The following ABCC3 variants were observed in gnomAD, a reference collection of about 807,000 sequenced individuals.
ABCC3 encodes the protein ATP-binding cassette sub-family C member 3.
A neutral mutation model predicts 165.3 loss-of-function variants in ABCC3; 121 were observed. The observed-to-expected ratio is 0.73, with a 90% confidence interval of 0.63 to 0.85. ABCC3 has a LOEUF of 0.85. Among genes scored for constraint, ABCC3 ranks in the 40% least tolerant of loss-of-function variants. The pLI is 0.00. For missense variants in ABCC3, 1,869 were observed against 1,964.1 expected, an observed-to-expected ratio of 0.95 and a Z score of 0.92; for synonymous variants, 733 against 810.1, an observed-to-expected ratio of 0.90 and a Z score of 1.62.
intron 30 of ABCC3, 110 bp downstream of exon 30, chr17:50,687,840 C>T: frequency 4.2e-6 from 5 of 1,181,272 alleles, no homozygotes. Context: ...CCTGGGATTG[C>T]TAGGGCATGG....
intron 1 of ABCC3, 98 bp from the exon 2 acceptor site, chr17:50,655,734 T>C (rs1462490111): frequency 9.7e-6 from 11 of 1,129,628 alleles, no homozygotes; most frequent in Non-Finnish European, 1.2e-5. Flanking sequence ...TCCACCCCTG[T>C]CTCTGATGGA....
chr17:50,642,071 G>A (rs937807408), intron 1 of ABCC3, among the ~76,000 whole-genome samples: 18 of 152,276 alleles, frequency 1.2e-4, no homozygotes, highest in African/African-American at 3.6e-4. Context: ...GAATGGACAG[G>A]GTTTGCTGAG....
rs1967086514 is a variant in ABCC3 at position 50,650,129 on chromosome 17, A to C, written c.46-5703A>C. On this transcript the variant is annotated intron_variant, in intron 1 of 30. Transcript: ENST00000285238. ...TTTGCATCAGTGTAATTTTGATATTAATGCTAGCTCTTATCGCCCAGGCTG... is the reference window on the plus strand; with the variant it reads ...TTTGCATCAGTGTAATTTTGATATTCATGCTAGCTCTTATCGCCCAGGCTG... Among the ~76,000 whole-genome samples, 4 of 152,326 alleles carry C rather than the reference A, an allele frequency of 2.6e-5. No individual in the cohort carries two copies. In the South Asian group the frequency reaches 8.3e-4, roughly 32 times the overall value.
intron 1 of ABCC3, among the ~76,000 whole-genome samples, chr17:50,639,531 G>A (rs954307038): frequency 2.0e-5 from 3 of 151,992 alleles, no homozygotes; most frequent in East Asian, 1.9e-4. Flanking sequence ...GAGCCACCCC[G>A]GAGTAGGGCC....
At chr17:50,671,448 G>A (rs187199301) in intron 17 of ABCC3, among the ~76,000 whole-genome samples, 1 of 152,040 alleles carries the variant, frequency 6.6e-6, no homozygotes, top group Admixed American at 6.5e-5. Flanking sequence ...TCTATTTTCT[G>A]TTCCTAGGAA....
At chr17:50,635,398 G>GC (rs1461849000) in intron 1 of ABCC3, 1 of 683,402 alleles carries the variant, frequency 1.5e-6, no homozygotes, top group East Asian at 2.7e-5. Context: ...GGACTCGGTT[G>GC]CCCACCTGGG....
intron 2 of ABCC3, 25 bp downstream of exon 2, chr17:50,656,033 C>G: frequency 6.2e-7 from 1 of 1,604,652 alleles, no homozygotes; most frequent in Non-Finnish European, 8.5e-7. Flanking sequence ...GATCTCCTAC[C>G]GATGGGGCTG....
chr17:50,649,555 C>T (rs1273225050), intron 1 of ABCC3, among the ~76,000 whole-genome samples: 1 of 145,924 alleles, frequency 6.9e-6, no homozygotes, highest in Admixed American at 7.1e-5. Flanking sequence ...CAGCTTTATA[C>T]CTGGGTGACA....
In ABCC3 at chr17:50,683,351, A is replaced by T. The variant is rs1190551047; in HGVS notation, c.3808-259A>T. 1.3e-4 allele frequency among the ~76,000 whole-genome samples: 16 copies of T among 124,728 alleles called. No individual in the cohort carries two copies. The East Asian group carries it at 1.6e-3, about 13-fold the overall frequency. 81.8% of individuals were successfully genotyped at this position (124,728 alleles called of 152,430 possible). On this transcript the variant is annotated intron_variant, in intron 26 of 30. Transcript: ENST00000285238. The stretch of plus-strand genomic sequence containing the variant: ...ATTGAGACCCTGTCTCTCAAAAATT[A>T]AAAAAAAAAAAAAAAAGGAACATGG...
chr17:50,667,673 C>T lies in ABCC3; in HGVS notation c.1551C>T (p.Ile517=). ...EPSFLKQVEG[I]RQGELQLLRT... ...GCTTCCTGAAGCAGGTGGAGGGCAT[C>T]AGGCAGGGTGAGCTCCAGCTGCTGC... Residue 517 remains isoleucine, a synonymous_variant, in exon 12 of 31, where the codon ATC becomes ATT. Transcript: ENST00000285238. 6.2e-7 allele frequency: 1 copy of T among 1,614,188 alleles called. No homozygotes were observed. Among genetic ancestry groups the T allele is most frequent in the Non-Finnish European group, 8.5e-7 (1 of 1,180,034 alleles).
Position 50,676,233 on chromosome 17 carries a change from G to A in ABCC3, c.3068-45G>A, listed in dbSNP as rs200256965. 8.9e-5 allele frequency: 142 copies of A among 1,591,596 alleles called. No homozygotes were observed. The Admixed American group carries it at 1.4e-3, about 16-fold the overall frequency. ...TCTCTGATTCTGCCCCTTTGTGCCC[G>A]CTCACTAGTCCAGGTGAGCCAGCGC... is the stretch of plus-strand genomic sequence containing the variant. On this transcript the variant is annotated intron_variant, in intron 22 of 30. Coordinates refer to ENST00000285238, the MANE Select transcript of ABCC3 (RefSeq NM_003786.4).
At chr17:50,662,579 C>T (rs563518854) in intron 8 of ABCC3, among the ~76,000 whole-genome samples, 65 of 145,434 alleles carry the variant, frequency 4.5e-4, no homozygotes, top group Non-Finnish European at 5.9e-4. Flanking sequence ...TTGAGGCTGC[C>T]GTGAGCTGTG....
At chr17:50,690,713 C>T (rs765828973) in intron 30 of ABCC3, among the ~76,000 whole-genome samples, 3 of 152,300 alleles carry the variant, frequency 2.0e-5, no homozygotes, top group Non-Finnish European at 2.9e-5. Context: ...GGTTTCCTGC[C>T]GTGTGCTTTT....
rs533382861 is a variant in ABCC3, at chr17:50,636,540, G to A, written c.45+1559G>A. Among the ~76,000 whole-genome samples the A allele has an allele frequency of 3.3e-5, 5 of 152,348 alleles. No individual in the cohort carries two copies. In the East Asian group the frequency reaches 9.7e-4, roughly 29 times the overall value. ...AGGCCACTTGCCACCAGGGTCCAGA[G>A]GTTGTGCCTTTGCCTCATGAGCACA... is the stretch of plus-strand genomic sequence containing the variant. On this transcript the variant is annotated intron_variant, in intron 1 of 30. Transcript: ENST00000285238.
chr17:50,675,892 A>G lies in ABCC3; in HGVS notation c.2869A>G (p.Ser957Gly). ...TGGCTGCTCCCTACAGGTGGAGCTC[A>G]GTGTGTTCTGGGATTATGCCAAGGC... ...EKAAIGTVEL[S>G]VFWDYAKAVG... Residue 957 changes from serine (S) to glycine (G), a missense_variant, in exon 22 of 31, where the codon AGT becomes GGT. Physicochemically the swap from Ser to Gly is moderately conservative, Grantham distance 56. Transcript: ENST00000285238. 6.2e-7 allele frequency: 1 copy of G among 1,614,020 alleles called. No homozygotes were observed. Among genetic ancestry groups the G allele is most frequent in the Non-Finnish European group, 8.5e-7 (1 of 1,179,938 alleles).
rs779259793 is a variant in ABCC3 at position 50,658,391 on chromosome 17, G to A, written c.613-44G>A. 3 of 1,595,948 alleles carry A rather than the reference G, an allele frequency of 1.9e-6. No homozygotes were observed. In the Admixed American group the frequency reaches 5.0e-5, roughly 27 times the overall value. ...TTTCCCTACTCTGCTTTGAGAGGGT[G>A]GTGGGCACTCCTGATTCCCCCGTCC... On this transcript the variant is annotated intron_variant, in intron 5 of 30. Coordinates refer to ENST00000285238, the MANE Select transcript of ABCC3 (RefSeq NM_003786.4).
intron 23 of ABCC3, among the ~76,000 whole-genome samples, chr17:50,677,178 G>A (rs775055618): frequency 3.3e-5 from 5 of 152,178 alleles, no homozygotes; most frequent in African/African-American, 7.2e-5. Context: ...CACCATACCC[G>A]GCCTTCCTGT....
rs1159451170 is a variant in ABCC3 at position 50,658,598 on chromosome 17, C to A, written c.674+102C>A. The stretch of plus-strand genomic sequence containing the variant: ...AGCAGTTTAGGGACCGGGCTGGCCA[C>A]CTATCCCACCCCCCACCGCAGTGGG... On this transcript the variant is annotated intron_variant, in intron 6 of 30. Transcript: ENST00000285238. 32 of 1,268,400 alleles carry A rather than the reference C, an allele frequency of 2.5e-5. 1 individual carries two copies. Among genetic ancestry groups the A allele is most frequent in the Non-Finnish European group, 2.3e-6 (2 of 870,726 alleles). 78.6% of individuals were successfully genotyped at this position (1,268,400 alleles called of 1,614,324 possible).
intron 29 of ABCC3, 87 bp from the exon 30 acceptor site, chr17:50,687,449 C>T: frequency 2.2e-6 from 3 of 1,342,388 alleles, no homozygotes; most frequent in East Asian, 4.7e-5. Flanking sequence ...AGTCCTGGGC[C>T]ACTGAGGAGT....
Sources: gnomAD v4.1 joint callset for allele counts (sites outside exome capture counted in the v4.1 genomes callset) on GRCh38, gnomAD v4.1.1 for gene constraint, MANE v1.5 for transcripts, NCBI Gene and HGNC (gene_info 2026-07-23, HGNC 2026-07-21) for gene names.